The following ANKFN1 variants were observed in gnomAD, a reference collection of about 807,000 sequenced individuals.
ANKFN1 encodes the protein ankyrin repeat and fibronectin type-III domain-containing protein 1.
In ANKFN1, 74 loss-of-function variants were observed where a neutral mutation model predicts 108.7. That is an observed-to-expected ratio of 0.68 (90% confidence interval 0.56 to 0.83). The LOEUF is 0.83. Among genes scored for constraint, ANKFN1 ranks in the 40% least tolerant of loss-of-function variants. The probability of loss-of-function intolerance (pLI) is 0.00; values close to 1 mark genes in which losing one functional copy is unlikely to be tolerated. For missense variants in ANKFN1, 1,505 were observed against 1,382.3 expected (o/e 1.09, Z -1.41); for synonymous variants, 547 against 516.2 (o/e 1.06, Z -0.81).
chr17:56,104,804 T>C (rs924471921), intron 4 of ANKFN1, among the ~76,000 whole-genome samples: 1 of 152,188 alleles, frequency 6.6e-6, no homozygotes, highest in African/African-American at 2.4e-5. Context: ...GCAGGTAGTA[T>C]TGTAAATCTT....
At chr17:56,340,127 TG>T (rs1233682755) in intron 4 of ANKFN1, among the ~76,000 whole-genome samples, 1 of 152,210 alleles carries the variant, frequency 6.6e-6, no homozygotes, top group Non-Finnish European at 1.5e-5. Flanking sequence ...TGTCTGTTCA[TG>T]TCCTTTGCCC....
intron 3 of ANKFN1, among the ~76,000 whole-genome samples, chr17:56,229,661 CAAAAAA>C (rs58714064): frequency 0.17 from 6,847 of 39,266 alleles, 93 homozygotes; most frequent in East Asian, 0.37. Flanking sequence ...TTTCAGATTG[CAAAAAA>C]AAAAAAAAAA....
chr17:56,091,787 A>C (rs567550354), intron 4 of ANKFN1, among the ~76,000 whole-genome samples: 2 of 151,578 alleles, frequency 1.3e-5, no homozygotes, highest in African/African-American at 4.8e-5. Flanking sequence ...GCTTTATTTG[A>C]GAGGATTGTG....
At chr17:56,140,519 C>G (rs1233324195) in intron 4 of ANKFN1, among the ~76,000 whole-genome samples, 2 of 152,130 alleles carry the variant, frequency 1.3e-5, no homozygotes. Flanking sequence ...AAATTCTAAC[C>G]TGCCTTCAAA....
At chr17:56,368,217 T>A (rs1165366474) in intron 6 of ANKFN1, 30 of 1,272,368 alleles carry the variant, frequency 2.4e-5, no homozygotes, top group Non-Finnish European at 3.0e-5. Context: ...AAGTCTGAAA[T>A]TTTTTTATCA....
At chr17:56,431,618 C>G (rs2048760563) in intron 8 of ANKFN1, among the ~76,000 whole-genome samples, 1 of 152,184 alleles carries the variant, frequency 6.6e-6, no homozygotes, top group Non-Finnish European at 1.5e-5. Flanking sequence ...GGCATTGATC[C>G]TGTCCTCAAG....
chr17:56,287,223 C>T (rs114707469), intron 3 of ANKFN1, among the ~76,000 whole-genome samples: 9 of 152,162 alleles, frequency 5.9e-5, no homozygotes, highest in Admixed American at 3.3e-4. Context: ...GATGTGGCAT[C>T]GGGTTTCTTT....
rs1036785191 is a variant in ANKFN1, at chr17:56,477,666, G to A, written c.1940+12G>A. On this transcript the variant is annotated intron_variant, in intron 16 of 20. Coordinates refer to ENST00000682825, the MANE Select transcript of ANKFN1 (RefSeq NM_001370326.1). Reference sequence around the variant, plus strand: ...AATAATATTTCTAGGTAAGTGATCAGGAGTTAAGATTTTCCTTGTGATGAA... The same window carrying A: ...AATAATATTTCTAGGTAAGTGATCAAGAGTTAAGATTTTCCTTGTGATGAA... The A allele has an allele frequency of 6.8e-6, 11 of 1,610,978 alleles. No homozygotes were observed. The highest frequency in any genetic ancestry group is 9.3e-6 in the Non-Finnish European group (11 of 1,178,634).
intron 3 of ANKFN1, among the ~76,000 whole-genome samples, chr17:56,259,650 C>T (rs1423077675): frequency 6.6e-6 from 1 of 152,050 alleles, no homozygotes; most frequent in Admixed American, 6.6e-5. Context: ...ACTGGCATCT[C>T]GCATCACAGA....
At position 56,066,125 on chromosome 17, in the gene ANKFN1, G is replaced by C. The variant is rs1051474373; in HGVS notation, c.288+19800G>C. On this transcript the variant is annotated intron_variant, in intron 4 of 12. Coordinates refer to the ANKFN1 transcript ENST00000635860. ...TCAGTGGCCTCTTCTGATCTCTTTTGGCTTAGAGTTCTGTGATGGCTTTTA... is the reference window on the plus strand; with the variant it reads ...TCAGTGGCCTCTTCTGATCTCTTTTCGCTTAGAGTTCTGTGATGGCTTTTA... Among the ~76,000 whole-genome samples the C allele has an allele frequency of 3.9e-5, 6 of 152,266 alleles. No individual in the cohort carries two copies. The East Asian group carries it at 1.2e-3, about 29-fold the overall frequency.
At chr17:56,303,327 C>T (rs898503487) in intron 3 of ANKFN1, among the ~76,000 whole-genome samples, 3 of 152,110 alleles carry the variant, frequency 2.0e-5, no homozygotes, top group Admixed American at 6.5e-5. Context: ...AGGGTACAGG[C>T]GTGTGCAAAG....
chr17:56,504,264 G>T (rs2051478449), intron 20 of ANKFN1, among the ~76,000 whole-genome samples: 1 of 152,140 alleles, frequency 6.6e-6, no homozygotes, highest in African/African-American at 2.4e-5. Flanking sequence ...AAGCTCTTTT[G>T]TATCTCCTTC....
At chr17:56,255,424 G>T (rs1469344230) in intron 3 of ANKFN1, among the ~76,000 whole-genome samples, 1 of 152,130 alleles carries the variant, frequency 6.6e-6, no homozygotes, top group Non-Finnish European at 1.5e-5. Flanking sequence ...CCCCACAAAA[G>T]ACAATCATTA....
intron 8 of ANKFN1, among the ~76,000 whole-genome samples, chr17:56,433,228 A>G (rs545284995): frequency 1.6e-4 from 25 of 152,256 alleles, no homozygotes; most frequent in African/African-American, 4.6e-4. Flanking sequence ...GGTGGCTGCA[A>G]TTAATGGAAT....
chr17:56,182,910 A>G (rs1168776079), intron 1 of ANKFN1, among the ~76,000 whole-genome samples: 2 of 152,182 alleles, frequency 1.3e-5, no homozygotes, highest in Non-Finnish European at 2.9e-5. Flanking sequence ...GAATTAGACT[A>G]AATCTACTTT....
chr17:56,243,922 T>C (rs1917769402), intron 3 of ANKFN1, among the ~76,000 whole-genome samples: 1 of 152,104 alleles, frequency 6.6e-6, no homozygotes, highest in Admixed American at 6.6e-5. Flanking sequence ...TTTGAAGACA[T>C]TTTTAGTTAA....
chr17:56,054,204 A>G (rs1451702223), intron 4 of ANKFN1, among the ~76,000 whole-genome samples: 1 of 152,242 alleles, frequency 6.6e-6, no homozygotes, highest in Non-Finnish European at 1.5e-5. Flanking sequence ...CATTTGATCC[A>G]GCAATCCCAC....
intron 17 of ANKFN1, among the ~76,000 whole-genome samples, chr17:56,481,942 A>G (rs1263509426): frequency 6.6e-6 from 1 of 151,978 alleles, no homozygotes; most frequent in Non-Finnish European, 1.5e-5. Context: ...CTAACAGTGC[A>G]TACAACTTTT....
At chr17:56,366,164 AT>A (rs1374640153) in intron 6 of ANKFN1, among the ~76,000 whole-genome samples, 7 of 152,046 alleles carry the variant, frequency 4.6e-5, no homozygotes, top group Non-Finnish European at 8.8e-5. Context: ...ACAGTTTAAA[AT>A]TTTTTTTAAT....
Sources: gnomAD v4.1 joint callset for allele counts (sites outside exome capture counted in the v4.1 genomes callset) on GRCh38, gnomAD v4.1.1 for gene constraint, MANE v1.5 for transcripts, NCBI Gene and HGNC (gene_info 2026-07-23, HGNC 2026-07-21) for gene names.